Variants in SLC26A5 observed in about 807,000 individuals in gnomAD.
SLC26A5 encodes solute carrier family 26 member 5.
In SLC26A5, 51 loss-of-function variants were observed where a neutral mutation model predicts 81.0. The ratio of observed to expected loss-of-function variants is 0.63; its 90% confidence interval spans 0.50 to 0.80. The LOEUF is 0.80. Ranked by LOEUF, SLC26A5 falls within the 30% of genes least tolerant of loss-of-function variation. The pLI, the probability that SLC26A5 is intolerant of heterozygous loss-of-function variation, is 0.00. For synonymous variants in SLC26A5, 325 were observed against 332.8 expected (o/e 0.98, Z 0.25); for missense variants, 771 against 905.8 (o/e 0.85, Z 1.91).
intron 1 of SLC26A5, chr7:103,445,396 G>C (rs1423590260): frequency 6.6e-6 from 1 of 152,262 alleles, no homozygotes; most frequent in Non-Finnish European, 1.5e-5. Flanking sequence ...ACTGCCGCGA[G>C]CTTCGAGAGT....
At chr7:103,397,821 G>T (rs998082965) in intron 9 of SLC26A5, 111 bp downstream of exon 9, 1 of 813,168 alleles carries the variant, frequency 1.2e-6, no homozygotes, top group Non-Finnish European at 2.1e-6. Flanking sequence ...TCAGCTATTT[G>T]ATGTATAGAA....
intron 14 of SLC26A5, among the ~76,000 whole-genome samples, chr7:103,382,105 G>T (rs1171104598): frequency 6.6e-6 from 1 of 152,110 alleles, no homozygotes; most frequent in Non-Finnish European, 1.5e-5. Flanking sequence ...TTCAAGTTAT[G>T]CCAGGGATAT....
chr7:103,434,110 T>C (rs1339469997), intron 2 of SLC26A5, among the ~76,000 whole-genome samples: 1 of 152,184 alleles, frequency 6.6e-6, no homozygotes, highest in Non-Finnish European at 1.5e-5. Context: ...TCCTCCTTGC[T>C]TTATACCCTC....
chr7:103,437,395 T>C (rs1826526613), intron 2 of SLC26A5, among the ~76,000 whole-genome samples: 1 of 152,060 alleles, frequency 6.6e-6, no homozygotes, highest in African/African-American at 2.4e-5. Flanking sequence ...AAACTGAAAA[T>C]AGAACTACCA....
chr7:103,371,512 A>G (rs955869019), downstream of SLC26A5, among the ~76,000 whole-genome samples: 25 of 150,598 alleles, frequency 1.7e-4, no homozygotes, highest in Non-Finnish European at 2.8e-4. Flanking sequence ...TTTTTAGCAG[A>G]GACGGGGTTT....
intron 10 of SLC26A5, among the ~76,000 whole-genome samples, chr7:103,392,214 T>C (rs1018677029): frequency 5.9e-5 from 9 of 152,228 alleles, no homozygotes; most frequent in Admixed American, 3.9e-4. Context: ...CAGATGAATG[T>C]GGAGCATCTA....
chr7:103,411,120 T>C (rs1824453307), intron 6 of SLC26A5, among the ~76,000 whole-genome samples: 1 of 152,148 alleles, frequency 6.6e-6, no homozygotes, highest in Admixed American at 6.5e-5. Context: ...CTAAAGTGCA[T>C]GATCATGATC....
At chr7:103,417,381 A>G (rs1434696381) in intron 4 of SLC26A5, among the ~76,000 whole-genome samples, 1 of 151,562 alleles carries the variant, frequency 6.6e-6, no homozygotes, top group African/African-American at 2.4e-5. Flanking sequence ...AAAAAAAAAA[A>G]AAAAGAAAAA....
At position 103,374,418 on chromosome 7, in the gene SLC26A5, G is replaced by A; in HGVS notation, c.2216C>T (p.Pro739Leu). The change falls in exon 20 of 20, where the codon CCT becomes CTT. Residue 739 changes from proline (P) to leucine (L), a missense_variant. Physicochemically the swap from Pro to Leu is moderately conservative, Grantham distance 98. Coordinates refer to ENST00000306312, the MANE Select transcript of SLC26A5 (RefSeq NM_198999.3). ...CCTCATCTATGCCTCAGGAGTGGCAGGAGTGGCATTGGGCTCCAAGTCCTC... is the reference window on the plus strand; with the variant it reads ...CCTCATCTATGCCTCAGGAGTGGCAAGAGTGGCATTGGGCTCCAAGTCCTC... ...SQEDLEPNAT[P>L]ATPEA is the part of the protein sequence containing the mutation. 6.2e-7 allele frequency: 1 copy of A among 1,612,446 alleles called. No individual in the cohort carries two copies. The highest frequency in any genetic ancestry group is 8.5e-7 in the Non-Finnish European group (1 of 1,179,984).
chr7:103,356,407 A>T (rs1395183614), intron 19 of SLC26A5, among the ~76,000 whole-genome samples: 1 of 152,212 alleles, frequency 6.6e-6, no homozygotes, highest in Non-Finnish European at 1.5e-5. Context: ...AAGATATTAT[A>T]GTTTTAAAAT....
chr7:103,353,565 C>G (rs564779925), intron 19 of SLC26A5, among the ~76,000 whole-genome samples: 18 of 152,284 alleles, frequency 1.2e-4, no homozygotes, highest in Non-Finnish European at 2.6e-4. Context: ...CCTGGGCCTC[C>G]CAAAGTACTG....
chr7:103,398,804 C>A (rs918488399), intron 8 of SLC26A5, among the ~76,000 whole-genome samples: 1 of 152,116 alleles, frequency 6.6e-6, no homozygotes, highest in African/African-American at 2.4e-5. Context: ...CTGCAGGAAA[C>A]AAATAATAAA....
At chr7:103,383,262 G>A (rs554840848) in intron 14 of SLC26A5, among the ~76,000 whole-genome samples, 1 of 152,332 alleles carries the variant, frequency 6.6e-6, no homozygotes, top group South Asian at 2.1e-4. Context: ...GCAGAGTAAG[G>A]GATGGGCACA....
chr7:103,361,712 G>T (rs886995812), intron 19 of SLC26A5, among the ~76,000 whole-genome samples: 1 of 152,048 alleles, frequency 6.6e-6, no homozygotes, highest in Non-Finnish European at 1.5e-5. Flanking sequence ...AGAAATCAGA[G>T]AACTTCTTAA....
chr7:103,362,325 T>C lies in SLC26A5; in HGVS notation c.2042-9399A>G, dbSNP rs1190003395. ...TTATGAATGGCTTCAAATTTCAGAG[T>C]TGAGGTTACCAGTCCATTTAAGGTA... On this transcript the variant is annotated intron_variant, in intron 19 of 19. Coordinates refer to the SLC26A5 transcript ENST00000339444. 10 of 1,371,874 alleles carry C rather than the reference T, an allele frequency of 7.3e-6. No individual in the cohort carries two copies. In the East Asian group the frequency reaches 2.6e-4, roughly 36 times the overall value. The allele number at this position is 1,371,874 out of a possible 1,614,324, so 85.0% of individuals were successfully genotyped here. A position where few individuals can be genotyped will look rare whatever the true frequency, so the allele number is the denominator to read the frequency against.
At chr7:103,387,217 T>A (rs1028362536) in intron 14 of SLC26A5, among the ~76,000 whole-genome samples, 4 of 152,208 alleles carry the variant, frequency 2.6e-5, no homozygotes, top group African/African-American at 9.7e-5. Context: ...GTAGTTAAAT[T>A]CTTATCCTGA....
At position 103,367,410 on chromosome 7, in the gene SLC26A5, C is replaced by T. The variant is rs1470658593; in HGVS notation, c.2041+9398G>A. Reference sequence around the variant, plus strand: ...GAGCTTATCTTTCCTTTTGTCTTCTCAGGGGCTCGTTTTGATGATGGTGCT... The same window carrying T: ...GAGCTTATCTTTCCTTTTGTCTTCTTAGGGGCTCGTTTTGATGATGGTGCT... On this transcript the variant is annotated intron_variant, in intron 19 of 19. Coordinates refer to the SLC26A5 transcript ENST00000339444. This position sits in a 1 kb window ranked among gnomAD's most constrained non-coding sequence, Gnocchi z 6.1. The T allele has an allele frequency of 7.4e-6, 12 of 1,613,100 alleles. No individual in the cohort carries two copies. Among genetic ancestry groups the T allele is most frequent in the African/African-American group, 2.7e-5 (2 of 74,854 alleles).
At chr7:103,421,323 G>C in intron 3 of SLC26A5, 40 bp downstream of exon 3, 4 of 1,610,782 alleles carry the variant, frequency 2.5e-6, no homozygotes, top group Non-Finnish European at 3.4e-6. Context: ...TCTCATAACT[G>C]AATGATACAA....
chr7:103,361,510 C>CAA (rs759044767), intron 19 of SLC26A5, among the ~76,000 whole-genome samples: 1,357 of 49,420 alleles, frequency 0.027, 28 homozygotes, highest in African/African-American at 0.057. Context: ...AACTCCATCT[C>CAA]AAAAAAAAAA....
Sources: allele counts gnomAD v4.1 joint callset (sites outside exome capture counted in the v4.1 genomes callset), GRCh38; gene constraint gnomAD v4.1.1; non-coding constraint Gnocchi (gnomAD v3.1); transcripts MANE v1.5; gene names NCBI Gene and HGNC (gene_info 2026-07-23, HGNC 2026-07-21).